TGFBRAP1: variants seen among roughly 807,000 people sequenced by gnomAD.
TGFBRAP1 encodes the protein transforming growth factor-beta receptor-associated protein 1.
TGFBRAP1 carries 20 observed loss-of-function variants against 83.2 expected under a neutral mutation model. That is an observed-to-expected ratio of 0.24 (90% CI 0.17 to 0.35). The LOEUF is 0.35. TGFBRAP1 is among the 10% of genes least tolerant of loss of function. The probability of loss-of-function intolerance (pLI) is 1.00; values close to 1 mark genes in which losing one functional copy is unlikely to be tolerated. For missense variants in TGFBRAP1, 950 were observed against 1,099.4 expected (o/e 0.86, Z 1.92); for synonymous variants, 415 against 459.8 (o/e 0.90, Z 1.25).
chr2:105,303,968 A>G (rs182011315), intron 2 of TGFBRAP1, among the ~76,000 whole-genome samples: 1 of 152,356 alleles, frequency 6.6e-6, no homozygotes, highest in African/African-American at 2.4e-5. Flanking sequence ...GATTAAAACA[A>G]AGTAACAGAT....
In TGFBRAP1 at chr2:105,264,873, G is replaced by C. The variant is rs1004430930; in HGVS notation, c.*2510C>G. The C allele has an allele frequency of 6.6e-6, 1 of 152,134 alleles. No homozygotes were observed. Among genetic ancestry groups the C allele is most frequent in the African/African-American group, 2.4e-5 (1 of 41,408 alleles). The allele number at this position is 152,134 out of a possible 1,614,324, so 9.4% of individuals were successfully genotyped here. On this transcript the variant is annotated 3_prime_UTR_variant, in exon 12 of 12. Coordinates refer to ENST00000393359, the MANE Select transcript of TGFBRAP1 (RefSeq NM_004257.6). The stretch of plus-strand genomic sequence containing the variant: ...AATGGTTCCACTGAACCTAATGAGG[G>C]GAAAAAGGTCTGATGGATCTAATTG...
intron 2 of TGFBRAP1, among the ~76,000 whole-genome samples, chr2:105,306,153 C>G (rs1301673173): frequency 6.6e-6 from 1 of 151,252 alleles, no homozygotes; most frequent in Admixed American, 6.6e-5. Context: ...ACTGCTGCCT[C>G]CTGGGTTCAA....
rs1261222091 is a variant in TGFBRAP1 at position 105,269,637 on chromosome 2, T to C, written c.2041A>G (p.Lys681Glu). 1.3e-6 allele frequency: 2 copies of C among 1,597,232 alleles called. No homozygotes were observed. The highest frequency in any genetic ancestry group is 1.3e-5 in the African/African-American group (1 of 74,804). ...ILHGKLGEHE[K>E]ALHILVHELQ... is the part of the protein sequence containing the mutation. Reference sequence around the variant, plus strand: ...TCGTGCACCAGGATATGCAGCGCCTTCTCATGCTCGCCCAGCTTCCCGTGC... The same window carrying C: ...TCGTGCACCAGGATATGCAGCGCCTCCTCATGCTCGCCCAGCTTCCCGTGC... The change falls in exon 11 of 12, where the codon AAG becomes GAG. Residue 681 changes from lysine (K) to glutamate (E), a missense_variant. Transcript: ENST00000393359. This position sits in a 1 kb window ranked among gnomAD's most constrained non-coding sequence, Gnocchi z 4.1.
chr2:105,283,509 C>T (rs952383623), intron 5 of TGFBRAP1, among the ~76,000 whole-genome samples: 2 of 152,204 alleles, frequency 1.3e-5, no homozygotes, highest in African/African-American at 4.8e-5. Flanking sequence ...AAACTGTGCA[C>T]AATCTATTCT....
At chr2:105,304,521 G>A (rs555611390) in intron 2 of TGFBRAP1, among the ~76,000 whole-genome samples, 1 of 152,206 alleles carries the variant, frequency 6.6e-6, no homozygotes, top group Non-Finnish European at 1.5e-5. Flanking sequence ...AGTGGCTCAC[G>A]CCTGTAATCC....
At position 105,293,564 on chromosome 2, in the gene TGFBRAP1, T is replaced by C. The variant is rs566199858; in HGVS notation, c.1038+2792A>G. 6.6e-5 allele frequency among the ~76,000 whole-genome samples: 10 copies of C among 152,348 alleles called. No individual in the cohort carries two copies. The South Asian group carries it at 1.7e-3, about 25-fold the overall frequency. ...TCTCATCCTCTCCCTTCCTGGTTTCTCTAAGCTTAGGGTCTAGCATGTGGT... is the reference window on the plus strand; with the variant it reads ...TCTCATCCTCTCCCTTCCTGGTTTCCCTAAGCTTAGGGTCTAGCATGTGGT... On this transcript the variant is annotated intron_variant, in intron 4 of 11. Transcript: ENST00000393359.
At chr2:105,254,420 A>C in the TGFBRAP1 span, among the ~76,000 whole-genome samples, 1 of 152,146 alleles carries the variant, frequency 6.6e-6, no homozygotes, top group Admixed American at 6.6e-5. Context: ...TTGACTTAGG[A>C]GGCATTATTC....
intron 4 of TGFBRAP1, among the ~76,000 whole-genome samples, chr2:105,294,955 G>C (rs1371365933): frequency 2.0e-5 from 3 of 152,256 alleles, no homozygotes; most frequent in Middle Eastern, 3.4e-3. Context: ...GCTTGCAGGA[G>C]AGGAGAAGGG....
intron 3 of TGFBRAP1, among the ~76,000 whole-genome samples, 200 bp from the exon 4 acceptor site, chr2:105,296,710 T>G (rs1204393013): frequency 6.6e-6 from 1 of 151,376 alleles, no homozygotes; most frequent in African/African-American, 2.4e-5. Flanking sequence ...GGGCAAACTC[T>G]TACTATGACA....
the TGFBRAP1 span, among the ~76,000 whole-genome samples, chr2:105,257,028 C>G: frequency 6.6e-6 from 1 of 152,184 alleles, no homozygotes; most frequent in East Asian, 1.9e-4. Context: ...TAATCCACCC[C>G]TTGTTTAGCA....
intron 1 of TGFBRAP1, among the ~76,000 whole-genome samples, chr2:105,320,324 T>C (rs1380076651): frequency 6.6e-6 from 1 of 152,218 alleles, no homozygotes. Flanking sequence ...TAAAAATTAA[T>C]TCTGTATCTG....
At chr2:105,250,194 G>A in the TGFBRAP1 span, among the ~76,000 whole-genome samples, 3 of 152,196 alleles carry the variant, frequency 2.0e-5, no homozygotes, top group African/African-American at 7.2e-5. Flanking sequence ...TTATCTGTGT[G>A]AGAAACACTT....
At position 105,275,542 on chromosome 2, in the gene TGFBRAP1, T is replaced by C. The variant is rs754111139; in HGVS notation, c.1665+18A>G. Reference sequence around the variant, plus strand: ...ACCTCCCCCAACCAAAGAGAATGCATTTTTACGAAGCACAAACCTCTTCAC... The same window carrying C: ...ACCTCCCCCAACCAAAGAGAATGCACTTTTACGAAGCACAAACCTCTTCAC... On this transcript the variant is annotated intron_variant, in intron 8 of 11. Transcript: ENST00000393359. The C allele has an allele frequency of 3.1e-6, 5 of 1,612,530 alleles. No homozygotes were observed. The highest frequency in any genetic ancestry group is 1.7e-5 in the Admixed American group (1 of 59,714).
chr2:105,299,443 C>A (rs1678208121), intron 2 of TGFBRAP1, among the ~76,000 whole-genome samples: 1 of 152,098 alleles, frequency 6.6e-6, no homozygotes, highest in Non-Finnish European at 1.5e-5. Context: ...GTAACATGCT[C>A]TAGACAGCAC....
At chr2:105,264,178 G>A (rs758113010), downstream of TGFBRAP1, among the ~76,000 whole-genome samples, 1 of 152,224 alleles carries the variant, frequency 6.6e-6, no homozygotes, top group Non-Finnish European at 1.5e-5. Context: ...GTAATCAGAA[G>A]TCTCCCTGGT....
intron 10 of TGFBRAP1, among the ~76,000 whole-genome samples, chr2:105,271,238 C>T (rs1449378559): frequency 6.6e-6 from 1 of 152,202 alleles, no homozygotes; most frequent in Non-Finnish European, 1.5e-5. Flanking sequence ...AAGTCTCATC[C>T]ATCTTTGTAT....
chr2:105,269,316 G>C lies in TGFBRAP1; in HGVS notation c.2362C>G (p.Leu788Val). The C allele has an allele frequency of 6.2e-7, 1 of 1,612,426 alleles. No individual in the cohort carries two copies. Among genetic ancestry groups the C allele is most frequent in the South Asian group, 1.1e-5 (1 of 90,928 alleles). Reference protein sequence around the residue: ...IHARRTMQVALGLARSENLIY... With the variant: ...IHARRTMQVAVGLARSENLIY... Reference sequence around the variant, plus strand: ...AAGTTTTCGGACCTGGCCAGGCCGAGAGCCACCTGCATGGTCCTCCTGGCA... The same window carrying C: ...AAGTTTTCGGACCTGGCCAGGCCGACAGCCACCTGCATGGTCCTCCTGGCA... The change falls in exon 11 of 12, where the codon CTC becomes GTC. Residue 788 changes from leucine to valine, a missense_variant. Coordinates refer to ENST00000393359, the MANE Select transcript of TGFBRAP1 (RefSeq NM_004257.6). This position sits in a 1 kb window ranked among gnomAD's most constrained non-coding sequence, Gnocchi z 4.1.
chr2:105,299,483 C>T (rs1678210378), intron 2 of TGFBRAP1, among the ~76,000 whole-genome samples: 1 of 152,118 alleles, frequency 6.6e-6, no homozygotes, highest in African/African-American at 2.4e-5. Context: ...ACACCAATAA[C>T]ATCGCCCAGC....
intron 4 of TGFBRAP1, among the ~76,000 whole-genome samples, chr2:105,287,406 T>C (rs770002026): frequency 4.6e-5 from 7 of 152,210 alleles, no homozygotes; most frequent in African/African-American, 9.7e-5. Flanking sequence ...CTTCTCCAGG[T>C]AGATTTTTTT....
Sources: gnomAD v4.1 joint callset for allele counts (sites outside exome capture counted in the v4.1 genomes callset) on GRCh38, gnomAD v4.1.1 for gene constraint, Gnocchi (gnomAD v3.1) non-coding constraint, MANE v1.5 for transcripts, NCBI Gene and HGNC (gene_info 2026-07-23, HGNC 2026-07-21) for gene names.